The following SORL1 variants were observed in gnomAD, a reference collection of about 807,000 sequenced individuals.
SORL1 encodes the protein sortilin-related receptor.
In SORL1, 127 loss-of-function variants were observed where a neutral mutation model predicts 273.7. The observed-to-expected ratio is 0.46, with a 90% CI of 0.40 to 0.54. The LOEUF (loss-of-function observed/expected upper bound fraction) is 0.54, where lower values mean the gene tolerates loss of function less well. SORL1 is among the 20% of genes least tolerant of loss of function. The pLI, the probability that SORL1 is intolerant of heterozygous loss-of-function variation, is 0.00. For synonymous variants in SORL1, 1,031 were observed against 1,067.4 expected (o/e 0.97, Z 0.66); for missense variants, 2,494 against 2,846.1 (o/e 0.88, Z 2.81).
intron 1 of SORL1, among the ~76,000 whole-genome samples, chr11:121,459,992 C>T (rs1332041471): frequency 6.6e-6 from 1 of 152,198 alleles, no homozygotes; most frequent in Non-Finnish European, 1.5e-5. Flanking sequence ...TATCTCCAGT[C>T]CCCTGAATTA....
intron 9 of SORL1, among the ~76,000 whole-genome samples, chr11:121,522,123 CT>C (rs1259766865): frequency 6.6e-6 from 1 of 152,220 alleles, no homozygotes. Flanking sequence ...ATCAGGGGAG[CT>C]TTTCCATGAG....
rs181535517 is a variant in SORL1, at chr11:121,586,320, C to G, written c.3805C>G (p.Gln1269Glu). 2.5e-6 allele frequency: 4 copies of G among 1,613,402 alleles called. No homozygotes were observed. In the East Asian group the frequency reaches 8.9e-5, roughly 36 times the overall value. The change falls in exon 27 of 48, where the codon CAG (glutamine) becomes GAG (glutamate). Residue 1269 changes from glutamine (Q) to glutamate (E), a missense_variant. Physicochemically the swap from Gln to Glu is conservative, Grantham distance 29 (BLOSUM62 2). Coordinates refer to ENST00000260197, the MANE Select transcript of SORL1 (RefSeq NM_003105.6). ...TGATTGCTCTGATGGCTCCGATGAACAGCACTGCGGTGAGTTCATTCCTTG... is the reference window on the plus strand; with the variant it reads ...TGATTGCTCTGATGGCTCCGATGAAGAGCACTGCGGTGAGTTCATTCCTTG... The part of the protein sequence containing the change: ...LRDCSDGSDE[Q>E]HCEPLCTHFM...
In SORL1 at chr11:121,550,750, G is replaced by T. The variant is rs977146097; in HGVS notation, c.2266+80G>T. On this transcript the variant is annotated intron_variant, in intron 16 of 47. Coordinates refer to ENST00000260197, the MANE Select transcript of SORL1 (RefSeq NM_003105.6). The surrounding 1 kb of genome is among the most constrained non-coding windows in gnomAD (Gnocchi z 5.3). Reference sequence around the variant, plus strand: ...CACGATCTCACCCAAGTCCGGGCTTGTGGCTCCTTTAATTGAGTGGAGAAA... The same window carrying T: ...CACGATCTCACCCAAGTCCGGGCTTTTGGCTCCTTTAATTGAGTGGAGAAA... 17 of 1,090,330 alleles carry T rather than the reference G, an allele frequency of 1.6e-5. No individual in the cohort carries two copies. Among genetic ancestry groups the T allele is most frequent in the South Asian group, 4.5e-5 (3 of 67,366 alleles). 67.5% of individuals were successfully genotyped at this position (1,090,330 alleles called of 1,614,324 possible). A position where few individuals can be genotyped will look rare whatever the true frequency, so the allele number is the denominator to read the frequency against.
intron 24 of SORL1, among the ~76,000 whole-genome samples, chr11:121,574,988 T>A (rs1020092704): frequency 6.6e-6 from 1 of 152,284 alleles, no homozygotes; most frequent in Admixed American, 6.5e-5. Context: ...TCAACTCTGT[T>A]ATTATTAGAA....
intron 40 of SORL1, among the ~76,000 whole-genome samples, chr11:121,614,107 C>G (rs1231736121): frequency 6.6e-6 from 1 of 152,236 alleles, no homozygotes; most frequent in Non-Finnish European, 1.5e-5. Context: ...CGTAACCTCC[C>G]CCTTCTCACT....
Position 121,478,225 on chromosome 11 carries a change from C to T in SORL1, c.510C>T (p.Ser170=). ...CTGTTATCGCCCAGTTCTACCACAG[C>T]CCTGCGGACAACAAGCGGGTAAGGA... ...SEAVIAQFYH[S]PADNKRYIFA... Residue 170 remains serine (S), a synonymous_variant, in exon 3 of 48, where the codon AGC becomes AGT. Transcript: ENST00000260197. The T allele has an allele frequency of 1.2e-6, 2 of 1,614,052 alleles. No homozygotes were observed. The highest frequency in any genetic ancestry group is 1.7e-6 in the Non-Finnish European group (2 of 1,179,998).
At chr11:121,543,351 A>G (rs1020038903) in intron 12 of SORL1, among the ~76,000 whole-genome samples, 197 bp from the exon 13 acceptor site, 3 of 152,188 alleles carry the variant, frequency 2.0e-5, no homozygotes, top group African/African-American at 7.2e-5. Flanking sequence ...TTGGAGCCCC[A>G]TCAGGCTGGT....
intron 11 of SORL1, among the ~76,000 whole-genome samples, chr11:121,529,360 G>A (rs1425958921): frequency 6.6e-6 from 1 of 151,814 alleles, no homozygotes; most frequent in African/African-American, 2.4e-5. Flanking sequence ...GGGATTTCAG[G>A]CGCTCACCAC....
chr11:121,474,645 G>A (rs887439295), intron 2 of SORL1, among the ~76,000 whole-genome samples: 3 of 152,138 alleles, frequency 2.0e-5, no homozygotes, highest in Non-Finnish European at 4.4e-5. Context: ...GAGGTCAGAG[G>A]GGACTATTTA....
intron 3 of SORL1, among the ~76,000 whole-genome samples, chr11:121,481,310 AGCTCCTCCCCT>A (rs546668529): frequency 9.1e-5 from 11 of 120,294 alleles, no homozygotes; most frequent in African/African-American, 4.0e-4. Flanking sequence ...CCTCCTCCCC[AGCTCCTCCCCT>A]AGTGCACAGA....
chr11:121,549,283 C>T (rs545806992), intron 14 of SORL1, among the ~76,000 whole-genome samples: 22 of 152,248 alleles, frequency 1.4e-4, no homozygotes, highest in African/African-American at 4.3e-4. Flanking sequence ...AGTGCAGTGG[C>T]GCAATCACGG....
intron 27 of SORL1, among the ~76,000 whole-genome samples, chr11:121,587,022 A>G (rs1863126359): frequency 6.6e-6 from 1 of 152,184 alleles, no homozygotes; most frequent in Non-Finnish European, 1.5e-5. Context: ...GCTCTATTAA[A>G]TGAAGTTTGA....
intron 5 of SORL1, among the ~76,000 whole-genome samples, chr11:121,495,019 G>A (rs950675118): frequency 2.6e-5 from 4 of 152,176 alleles, no homozygotes; most frequent in African/African-American, 9.7e-5. Context: ...TGGTTTCTCC[G>A]TTGCCCTAAG....
At chr11:121,470,225 C>G in intron 2 of SORL1, 102 bp downstream of exon 2, 1 of 782,478 alleles carries the variant, frequency 1.3e-6, no homozygotes, top group Non-Finnish European at 2.3e-6. Context: ...GTAATTGGAA[C>G]ATGGAATGGA....
At chr11:121,576,593 T>C (rs1476259925) in intron 24 of SORL1, among the ~76,000 whole-genome samples, 1 of 152,268 alleles carries the variant, frequency 6.6e-6, no homozygotes, top group Non-Finnish European at 1.5e-5. Flanking sequence ...CTATTGTTTA[T>C]AAGCTCAGCC....
intron 3 of SORL1, among the ~76,000 whole-genome samples, chr11:121,486,298 C>T (rs1373860335): frequency 6.6e-6 from 1 of 152,148 alleles, no homozygotes; most frequent in East Asian, 1.9e-4. Context: ...CGAGGCCTTA[C>T]ATCATCTGTG....
At chr11:121,583,409 G>T (rs1298240104) in intron 25 of SORL1, 49 bp from the exon 26 acceptor site, 1 of 1,571,698 alleles carries the variant, frequency 6.4e-7, no homozygotes, top group Non-Finnish European at 8.6e-7. Context: ...ACAGTTGGTG[G>T]GGGATGGAGA....
At position 121,618,812 on chromosome 11, in the gene SORL1, C is replaced by T. The variant is rs753782649; in HGVS notation, c.5643C>T (p.Leu1881=). Residue 1881 remains leucine (L), a synonymous_variant, in exon 42 of 48, where the codon CTC becomes CTT. Transcript: ENST00000260197. The part of the protein sequence containing the change: ...GIFYATSFLD[L]YRNPKSLTTS... ...TCTATGCCACGTCCTTTCTTGACCT[C>T]TATCGCAACCCGAAGAGCTTGACTA... The T allele has an allele frequency of 6.2e-7, 1 of 1,614,144 alleles. No homozygotes were observed. Among genetic ancestry groups the T allele is most frequent in the Non-Finnish European group, 8.5e-7 (1 of 1,179,978 alleles).
chr11:121,499,070 A>G (rs1861674194), intron 6 of SORL1, among the ~76,000 whole-genome samples: 1 of 152,200 alleles, frequency 6.6e-6, no homozygotes, highest in South Asian at 2.1e-4. Context: ...GCCTTGCGCT[A>G]TGTTTGATAC....
Sources: gnomAD v4.1 joint callset for allele counts (sites outside exome capture counted in the v4.1 genomes callset) on GRCh38, gnomAD v4.1.1 for gene constraint, Gnocchi (gnomAD v3.1) non-coding constraint, MANE v1.5 for transcripts, NCBI Gene and HGNC (gene_info 2026-07-23, HGNC 2026-07-21) for gene names.